SLC6A4: variants seen among roughly 807,000 people sequenced by gnomAD.
The protein encoded by SLC6A4 is sodium-dependent serotonin transporter.
In SLC6A4, 22 loss-of-function variants were observed where a neutral mutation model predicts 73.4. That is an observed-to-expected ratio of 0.30 (90% CI 0.21 to 0.43). The LOEUF (loss-of-function observed/expected upper bound fraction) is 0.43. Ranked by LOEUF, SLC6A4 falls within the 20% of genes least tolerant of loss-of-function variation. SLC6A4 has a pLI of 1.00. For synonymous variants in SLC6A4, 270 were observed against 315.5 expected (o/e 0.86, Z 1.53); for missense variants, 593 against 808.5 (o/e 0.73, Z 3.23).
At position 30,194,404 on chromosome 17, in the gene SLC6A4, ATGAATT is replaced by A. The variant is rs1288802600; in HGVS notation, c.*4046_*4051del. The stretch of plus-strand genomic sequence containing the variant: ...GCATAAATGAATACAAGGGCACTGT[ATGAATT>A]TTAGAAAGGGGACTCTTTTATACAA... On this transcript the variant is annotated 3_prime_UTR_variant, in exon 15 of 15. Transcript: ENST00000650711. 6.6e-6 allele frequency: 1 copy of A among 152,158 alleles called. No individual in the cohort carries two copies. Among genetic ancestry groups the A allele is most frequent in the African/African-American group, 2.4e-5 (1 of 41,438 alleles). The allele number at this position is 152,158 out of a possible 1,614,324, so 9.4% of individuals were successfully genotyped here.
At chr17:30,215,410 G>A (rs1906539854) in intron 8 of SLC6A4, among the ~76,000 whole-genome samples, 1 of 152,076 alleles carries the variant, frequency 6.6e-6, no homozygotes, top group Non-Finnish European at 1.5e-5. Context: ...CAGCCTGAGT[G>A]GCCCAGGTGA....
rs1567819072 is a variant in SLC6A4 at position 30,215,021 on chromosome 17, T to TC, written c.1076+589_1076+590insG. ...CTTCCTTTCTTTCTTTCTTTCTTTCTTTTTTCTTTCTTTCTTTCTTTCTTT... is the reference window on the plus strand; with the variant it reads ...CTTCCTTTCTTTCTTTCTTTCTTTCTCTTTTTCTTTCTTTCTTTCTTTCTTT... On this transcript the variant is annotated intron_variant, in intron 8 of 14. Transcript: ENST00000650711. Among the ~76,000 whole-genome samples, 11 of 25,850 alleles carry TC rather than the reference T, an allele frequency of 4.3e-4. No individual in the cohort carries two copies. In the South Asian group the frequency reaches 0.012, roughly 28 times the overall value. 17.0% of individuals were successfully genotyped at this position (25,850 alleles called of 152,430 possible).
intron 5 of SLC6A4, among the ~76,000 whole-genome samples, chr17:30,217,688 A>G (rs1224308236): frequency 6.6e-6 from 1 of 152,208 alleles, no homozygotes; most frequent in Admixed American, 6.5e-5. Context: ...TTCCAGCATT[A>G]AAGAAAACTA....
chr17:30,201,069 C>CAT (rs1472292574), intron 14 of SLC6A4, among the ~76,000 whole-genome samples: 1 of 152,170 alleles, frequency 6.6e-6, no homozygotes, highest in Non-Finnish European at 1.5e-5. Flanking sequence ...AGGTGTGACC[C>CAT]ACTGTGCCCG....
intron 11 of SLC6A4, 114 bp downstream of exon 11, chr17:30,210,400 CT>C: frequency 1.3e-5 from 15 of 1,164,448 alleles, no homozygotes; most frequent in Non-Finnish European, 1.8e-5. Context: ...ACAACCTCCC[CT>C]CCTTTGGTCC....
intron 14 of SLC6A4, among the ~76,000 whole-genome samples, chr17:30,201,769 T>A (rs1046505987): frequency 2.6e-5 from 4 of 152,052 alleles, no homozygotes; most frequent in Admixed American, 2.6e-4. Flanking sequence ...CAGAATACAG[T>A]TTTCCTGTTT....
intron 7 of SLC6A4, 74 bp downstream of exon 7, chr17:30,216,008 G>T: frequency 1.5e-6 from 2 of 1,347,792 alleles, no homozygotes. Flanking sequence ...TGTCCCTACT[G>T]TCCTATTTGG....
intron 14 of SLC6A4, among the ~76,000 whole-genome samples, chr17:30,200,740 T>G (rs1214271717): frequency 6.6e-6 from 1 of 152,190 alleles, no homozygotes; most frequent in Admixed American, 6.5e-5. Flanking sequence ...CATATTAAAG[T>G]TTTTTTGAGA....
intron 11 of SLC6A4, among the ~76,000 whole-genome samples, chr17:30,210,176 G>A (rs1906339514): frequency 6.6e-6 from 1 of 151,994 alleles, no homozygotes; most frequent in African/African-American, 2.4e-5. Flanking sequence ...CGTGAAGAAC[G>A]TCAGGGCAGT....
chr17:30,203,752 G>T (rs569405213), intron 13 of SLC6A4: 8 of 173,360 alleles, frequency 4.6e-5, no homozygotes, highest in Non-Finnish European at 1.0e-4. Context: ...GCAGCCCCCC[G>T]CCAGGCCCCA....
chr17:30,231,077 C>T (rs1056093992), intron 1 of SLC6A4, among the ~76,000 whole-genome samples: 5 of 152,082 alleles, frequency 3.3e-5, no homozygotes, highest in Non-Finnish European at 7.3e-5. Flanking sequence ...ATCATTGAGA[C>T]AGCGGGGGAA....
chr17:30,221,978 C>T lies in SLC6A4; in HGVS notation c.-20G>A. On this transcript the variant is annotated 5_prime_UTR_variant, in exon 3 of 15. Coordinates refer to ENST00000650711, the MANE Select transcript of SLC6A4 (RefSeq NM_001045.6). ...CTCCATCCTGCTGGTTAGTAAATGA[C>T]ACTGATGTCCATCTGCCAAGGATCC... 1.2e-6 allele frequency: 2 copies of T among 1,613,944 alleles called. No homozygotes were observed. Among genetic ancestry groups the T allele is most frequent in the East Asian group, 2.2e-5 (1 of 44,882 alleles).
intron 3 of SLC6A4, among the ~76,000 whole-genome samples, chr17:30,219,289 A>G (rs1906676605): frequency 6.6e-6 from 1 of 152,176 alleles, no homozygotes; most frequent in Admixed American, 6.5e-5. Flanking sequence ...ACAGTTGAGG[A>G]GAGCTGAGTT....
At chr17:30,216,260 AG>A in intron 6 of SLC6A4, 44 bp from the exon 7 acceptor site, 2 of 133,066 alleles carry the variant, frequency 1.5e-5, no homozygotes, top group East Asian at 2.3e-4. Context: ...CAGGGAGGGG[AG>A]GGGAGGGGAG....
At chr17:30,206,241 C>CAAAAAAAA (rs5819882) in intron 13 of SLC6A4, 44 of 106,408 alleles carry the variant, frequency 4.1e-4, no homozygotes, top group Middle Eastern at 4.7e-3. Flanking sequence ...CTCTAAAAGA[C>CAAAAAAAA]AAAAAAAAAA....
chr17:30,223,570 T>G (rs1325116956), intron 1 of SLC6A4, among the ~76,000 whole-genome samples: 1 of 152,230 alleles, frequency 6.6e-6, no homozygotes, highest in Non-Finnish European at 1.5e-5. Context: ...TGGCGTTTGC[T>G]GCATTTTTTC....
intron 12 of SLC6A4, among the ~76,000 whole-genome samples, chr17:30,208,741 G>C (rs763974358): frequency 6.6e-6 from 1 of 152,154 alleles, no homozygotes; most frequent in Non-Finnish European, 1.5e-5. Flanking sequence ...GTCCAGACTG[G>C]AGTGCAGTGG....
chr17:30,222,577 A>G (rs56082703), intron 2 of SLC6A4, among the ~76,000 whole-genome samples: 2 of 152,258 alleles, frequency 1.3e-5, no homozygotes, highest in Admixed American at 1.3e-4. Flanking sequence ...GTTATATTTT[A>G]TATCAACTAC....
At chr17:30,203,058 G>T in intron 14 of SLC6A4, 114 bp downstream of exon 14, 3 of 823,518 alleles carry the variant, frequency 3.6e-6, no homozygotes, top group Non-Finnish European at 5.9e-6. Context: ...ACATATATAG[G>T]GTTGCATGCC....
Sources: allele counts gnomAD v4.1 joint callset (sites outside exome capture counted in the v4.1 genomes callset), GRCh38; gene constraint gnomAD v4.1.1; transcripts MANE v1.5; gene names NCBI Gene and HGNC (gene_info 2026-07-23, HGNC 2026-07-21).